CNTNAP2: variants seen among roughly 807,000 people sequenced by gnomAD.
CNTNAP2 encodes the protein contactin-associated protein-like 2.
In CNTNAP2, 98 loss-of-function variants were observed where a neutral mutation model predicts 155.2. The observed-to-expected ratio is 0.63, with a 90% CI of 0.54 to 0.75. The LOEUF is 0.75. Among genes scored for constraint, CNTNAP2 ranks in the 30% least tolerant of loss-of-function variants. CNTNAP2 has a pLI of 0.00. For synonymous variants in CNTNAP2, 651 were observed against 631.2 expected (o/e 1.03, Z -0.47); for missense variants, 1,727 against 1,688.1 (o/e 1.02, Z -0.40).
chr7:147,200,885 T>G (rs558843059), intron 8 of CNTNAP2, among the ~76,000 whole-genome samples: 1 of 152,338 alleles, frequency 6.6e-6, no homozygotes, highest in South Asian at 2.1e-4. Context: ...TTTTGTAAGA[T>G]GAACTATAAA....
chr7:146,969,318 C>T (rs1797731608), intron 3 of CNTNAP2, among the ~76,000 whole-genome samples: 1 of 152,066 alleles, frequency 6.6e-6, no homozygotes, highest in Admixed American at 6.6e-5. Context: ...CTGTAGATGT[C>T]TATTAGGTCC....
At chr7:146,594,705 C>T (rs1798833570) in intron 1 of CNTNAP2, among the ~76,000 whole-genome samples, 1 of 152,014 alleles carries the variant, frequency 6.6e-6, no homozygotes, top group South Asian at 2.1e-4. Flanking sequence ...AAATAAATTA[C>T]CAATCCTCTG....
chr7:147,302,634 T>C (rs553923912), intron 9 of CNTNAP2, among the ~76,000 whole-genome samples: 2 of 152,336 alleles, frequency 1.3e-5, no homozygotes, highest in East Asian at 3.9e-4. Context: ...GAATGAGAAA[T>C]TGAATACTTA....
intron 1 of CNTNAP2, among the ~76,000 whole-genome samples, chr7:146,322,149 T>C (rs1801014746): frequency 6.6e-6 from 1 of 152,180 alleles, no homozygotes; most frequent in African/African-American, 2.4e-5. Flanking sequence ...ACCTTCACTT[T>C]TTATTCTGCC....
intron 21 of CNTNAP2, among the ~76,000 whole-genome samples, chr7:148,274,116 C>G (rs1032762554): frequency 1.3e-5 from 2 of 152,130 alleles, no homozygotes; most frequent in African/African-American, 4.8e-5. Context: ...GCAAGACCCT[C>G]TAGAGTCCTT....
intron 8 of CNTNAP2, among the ~76,000 whole-genome samples, chr7:147,270,183 C>A (rs1239360656): frequency 6.6e-6 from 1 of 152,182 alleles, no homozygotes; most frequent in African/African-American, 2.4e-5. Context: ...TGAGTCATGT[C>A]TCTTCTTTCT....
intron 5 of CNTNAP2, among the ~76,000 whole-genome samples, chr7:147,114,305 T>C (rs1290621702): frequency 6.6e-6 from 1 of 152,136 alleles, no homozygotes; most frequent in Non-Finnish European, 1.5e-5. Context: ...GGATGGAGAA[T>C]TCTGTATATA....
intron 15 of CNTNAP2, among the ~76,000 whole-genome samples, chr7:147,986,705 A>G (rs77253760): frequency 2.2e-3 from 336 of 152,292 alleles, no homozygotes; most frequent in African/African-American, 7.1e-3. Flanking sequence ...ACCTGGAACA[A>G]TGACCTTGGG....
At chr7:147,524,331 G>C (rs551937905) in intron 11 of CNTNAP2, among the ~76,000 whole-genome samples, 1 of 151,950 alleles carries the variant, frequency 6.6e-6, no homozygotes, top group African/African-American at 2.4e-5. Flanking sequence ...CGGAGGTTGC[G>C]GTGAGCCGAG....
intron 3 of CNTNAP2, among the ~76,000 whole-genome samples, chr7:146,965,458 T>C (rs1340409251): frequency 6.6e-6 from 1 of 152,088 alleles, no homozygotes; most frequent in Non-Finnish European, 1.5e-5. Flanking sequence ...AATACATTCT[T>C]GCAGGTCATT....
intron 1 of CNTNAP2, among the ~76,000 whole-genome samples, chr7:146,226,585 A>G (rs1799296544): frequency 6.6e-6 from 1 of 152,124 alleles, no homozygotes; most frequent in Non-Finnish European, 1.5e-5. Context: ...GCTTGAGCAC[A>G]GGAGGTTGAG....
chr7:146,142,559 A>T lies in CNTNAP2; in HGVS notation c.97+25586A>T, dbSNP rs145966386. 3.3e-3 allele frequency among the ~76,000 whole-genome samples: 496 copies of T among 152,294 alleles called. 2 individuals are homozygous for T. Among genetic ancestry groups the T allele is most frequent in the African/African-American group, 9.8e-3 (406 of 41,580 alleles). ...GAGAGGGAGGAATTAAAGATAGAAA[A>T]ATCTATTGATAGCCAATCTAATTTC... On this transcript the variant is annotated intron_variant, in intron 1 of 23. Coordinates refer to ENST00000361727, the MANE Select transcript of CNTNAP2 (RefSeq NM_014141.6).
chr7:146,771,549 T>C (rs1430443196), intron 1 of CNTNAP2, among the ~76,000 whole-genome samples: 1 of 152,200 alleles, frequency 6.6e-6, no homozygotes, highest in Non-Finnish European at 1.5e-5. Context: ...TTGATACTTT[T>C]AAAACAAATT....
intron 3 of CNTNAP2, among the ~76,000 whole-genome samples, chr7:146,849,707 T>C (rs1305263213): frequency 1.3e-5 from 2 of 152,328 alleles, no homozygotes; most frequent in East Asian, 3.9e-4. Context: ...CCCATAAATA[T>C]AGTCTCTTCT....
chr7:146,802,248 C>T (rs910744805), intron 2 of CNTNAP2, among the ~76,000 whole-genome samples: 5 of 152,078 alleles, frequency 3.3e-5, no homozygotes, highest in Admixed American at 1.3e-4. Flanking sequence ...CTCCTTTTAG[C>T]GCATTCAGAT....
chr7:147,318,254 C>A (rs560481577), intron 9 of CNTNAP2, among the ~76,000 whole-genome samples: 2 of 152,194 alleles, frequency 1.3e-5, no homozygotes, highest in East Asian at 3.9e-4. Context: ...CCAGCCTGAG[C>A]AATGTGGTGA....
chr7:147,513,589 T>C (rs1799059301), intron 11 of CNTNAP2, among the ~76,000 whole-genome samples: 1 of 152,214 alleles, frequency 6.6e-6, no homozygotes, highest in African/African-American at 2.4e-5. Flanking sequence ...GTAATTACAC[T>C]CATAGAAATC....
intron 8 of CNTNAP2, among the ~76,000 whole-genome samples, chr7:147,184,850 A>G (rs1802531761): frequency 6.6e-6 from 1 of 152,232 alleles, no homozygotes; most frequent in East Asian, 1.9e-4. Flanking sequence ...CTAAATGCTG[A>G]AAACAATTAA....
At chr7:147,788,547 C>A (rs1797771605) in intron 13 of CNTNAP2, among the ~76,000 whole-genome samples, 1 of 152,218 alleles carries the variant, frequency 6.6e-6, no homozygotes, top group African/African-American at 2.4e-5. Flanking sequence ...AATATCTTCA[C>A]TGTTAATGGC....
Sources: gnomAD v4.1 joint callset for allele counts (sites outside exome capture counted in the v4.1 genomes callset) on GRCh38, gnomAD v4.1.1 for gene constraint, MANE v1.5 for transcripts, NCBI Gene and HGNC (gene_info 2026-07-23, HGNC 2026-07-21) for gene names.